ELF1: variants seen among roughly 807,000 people sequenced by gnomAD.
ELF1 encodes the protein E74 like ETS transcription factor 1, also known as ETS-related transcription factor Elf-1.
ELF1 carries 24 observed loss-of-function variants against 59.9 expected under a neutral mutation model. That is an observed-to-expected ratio of 0.40 (90% CI 0.29 to 0.56). The LOEUF is 0.56. Among genes scored for constraint, ELF1 ranks in the 20% least tolerant of loss-of-function variants. The pLI is 0.44. For synonymous variants in ELF1, 248 were observed against 266.2 expected, an observed-to-expected ratio of 0.93 and a Z score of 0.67; for missense variants, 627 against 742.2, an observed-to-expected ratio of 0.84 and a Z score of 1.80.
At position 41,025,061 on chromosome 13, in the gene ELF1, T is replaced by A. The variant is rs566279052; in HGVS notation, c.-229+35777A>T. Reference sequence around the variant, plus strand: ...AAAAGAAATAAAATAACTGATTTCTTAGAGGCAAAATTAAAAGCCAGACTA... The same window carrying A: ...AAAAGAAATAAAATAACTGATTTCTAAGAGGCAAAATTAAAAGCCAGACTA... On this transcript the variant is annotated intron_variant, in intron 1 of 1. Transcript: ENST00000405737. 2.7e-3 allele frequency among the ~76,000 whole-genome samples: 418 copies of A among 152,298 alleles called. 1 individual carries two copies. The highest frequency in any genetic ancestry group is 6.4e-3 in the South Asian group (31 of 4,826).
chr13:40,991,828 T>C (rs1019981501), intron 1 of ELF1, among the ~76,000 whole-genome samples: 1 of 152,186 alleles, frequency 6.6e-6, no homozygotes, highest in Non-Finnish European at 1.5e-5. Flanking sequence ...TACAATTGTA[T>C]ATCTATCTAT....
intron 1 of ELF1, among the ~76,000 whole-genome samples, chr13:41,036,061 C>T (rs781283389): frequency 1.4e-4 from 22 of 151,844 alleles, no homozygotes; most frequent in Non-Finnish European, 2.1e-4. Flanking sequence ...CCCGCCACCA[C>T]GCCCGGCTAA....
At chr13:40,949,542 A>G (rs1007402685) in intron 5 of ELF1, among the ~76,000 whole-genome samples, 6 of 151,344 alleles carry the variant, frequency 4.0e-5, no homozygotes, top group African/African-American at 1.5e-4. Flanking sequence ...TTTTGTAGAG[A>G]TGAGGTCTTG....
At chr13:41,054,646 T>C (rs1877221010) in intron 1 of ELF1, among the ~76,000 whole-genome samples, 1 of 152,228 alleles carries the variant, frequency 6.6e-6, no homozygotes, top group Non-Finnish European at 1.5e-5. Context: ...TATCTGATCC[T>C]TTCTATTCTG....
At chr13:41,005,467 A>C (rs1169221950) in intron 1 of ELF1, among the ~76,000 whole-genome samples, 3 of 151,136 alleles carry the variant, frequency 2.0e-5, no homozygotes, top group African/African-American at 4.8e-5. Flanking sequence ...AAAAAAAAAA[A>C]AAACCTACCA....
At chr13:40,940,849 C>T (rs530056592) in intron 8 of ELF1, 72 bp downstream of exon 8, 2 of 1,450,276 alleles carry the variant, frequency 1.4e-6, no homozygotes, top group Admixed American at 4.6e-5. Context: ...TGAATCTTGA[C>T]CCACTTAACA....
rs570796697 is a variant in ELF1, at chr13:41,060,938, C to T, written c.-329G>A. 5.8e-5 allele frequency: 20 copies of T among 344,206 alleles called. 1 individual carries two copies. The highest frequency in any genetic ancestry group is 4.9e-4 in the East Asian group (7 of 14,244). 21.3% of individuals were successfully genotyped at this position (344,206 alleles called of 1,614,324 possible). On this transcript the variant is annotated 5_prime_UTR_variant, in exon 1 of 2. Coordinates refer to the ELF1 transcript ENST00000405737. ...CTGCCGCCGCCGCCGCCGCCGCCGC[C>T]GCCGCCGCTGCTGCTGCCCACACGC...
intron 2 of ELF1, among the ~76,000 whole-genome samples, chr13:40,966,569 C>T (rs564070430): frequency 1.2e-4 from 18 of 152,214 alleles, no homozygotes; most frequent in Non-Finnish European, 2.5e-4. Context: ...ACTCCCCTAA[C>T]TAGGCTTGCT....
intron 1 of ELF1, among the ~76,000 whole-genome samples, chr13:41,011,147 C>T (rs1269634125): frequency 6.6e-6 from 1 of 152,164 alleles, no homozygotes; most frequent in Admixed American, 6.5e-5. Context: ...TGGTTAGATT[C>T]AACAATCTAT....
At chr13:40,999,926 CTTA>C (rs928243261) in intron 1 of ELF1, among the ~76,000 whole-genome samples, 2 of 152,234 alleles carry the variant, frequency 1.3e-5, no homozygotes, top group African/African-American at 4.8e-5. Context: ...CATAATCCTT[CTTA>C]TTATTCAACT....
chr13:41,058,131 G>A (rs898092847), intron 1 of ELF1, among the ~76,000 whole-genome samples: 4 of 152,112 alleles, frequency 2.6e-5, no homozygotes, highest in Admixed American at 6.5e-5. Context: ...CTACCTTTGG[G>A]TTTTCCAAGA....
chr13:41,056,866 G>C (rs1250524000), intron 1 of ELF1, among the ~76,000 whole-genome samples: 1 of 152,140 alleles, frequency 6.6e-6, no homozygotes, highest in Non-Finnish European at 1.5e-5. Context: ...GATGTGCAGA[G>C]CTACAGGGGG....
intron 1 of ELF1, among the ~76,000 whole-genome samples, chr13:41,053,837 A>T (rs1403936289): frequency 6.6e-6 from 1 of 152,174 alleles, no homozygotes; most frequent in Non-Finnish European, 1.5e-5. Flanking sequence ...GTGTCCTTCT[A>T]AATAAGTAGC....
intron 1 of ELF1, among the ~76,000 whole-genome samples, chr13:41,043,642 T>C (rs1166934450): frequency 6.6e-6 from 1 of 152,214 alleles, no homozygotes; most frequent in Non-Finnish European, 1.5e-5. Context: ...CTGAGGGCTC[T>C]GTTCTGTTCC....
chr13:41,048,955 A>T (rs1001641172), intron 1 of ELF1, among the ~76,000 whole-genome samples: 1 of 152,098 alleles, frequency 6.6e-6, no homozygotes, highest in Non-Finnish European at 1.5e-5. Context: ...ACTAAATCTA[A>T]CTAAAGTTAA....
chr13:41,012,864 T>C (rs902928793), intron 1 of ELF1, among the ~76,000 whole-genome samples: 2 of 152,192 alleles, frequency 1.3e-5, no homozygotes, highest in African/African-American at 4.8e-5. Context: ...ACTTGTCAAC[T>C]ATTCTAAAAT....
intron 1 of ELF1, among the ~76,000 whole-genome samples, chr13:41,039,180 G>T (rs1399105969): frequency 1.3e-5 from 2 of 151,706 alleles, no homozygotes; most frequent in African/African-American, 4.8e-5. Context: ...TAGGTGGATC[G>T]CTTGAGCCCA....
In ELF1 at chr13:40,971,172, T is replaced by G. The variant is rs138105992; in HGVS notation, c.72+10811A>C. ...TGAAAGTCTCATTTCAATTAACGCT[T>G]GGATAAAAAATGTATATTATATATA... On this transcript the variant is annotated intron_variant, in intron 2 of 8. Coordinates refer to ENST00000239882, the MANE Select transcript of ELF1 (RefSeq NM_172373.4). Among the ~76,000 whole-genome samples, 777 of 152,334 alleles carry G rather than the reference T, an allele frequency of 5.1e-3. 9 individuals carry two copies. Among genetic ancestry groups the G allele is most frequent in the African/African-American group, 0.018 (748 of 41,570 alleles).
chr13:41,026,391 A>G (rs533071649), intron 1 of ELF1, among the ~76,000 whole-genome samples: 1 of 152,310 alleles, frequency 6.6e-6, no homozygotes, highest in South Asian at 2.1e-4. Flanking sequence ...TTACCAAGTG[A>G]CCAGAAAAGC....
Sources: gnomAD v4.1 joint callset for allele counts (sites outside exome capture counted in the v4.1 genomes callset) on GRCh38, gnomAD v4.1.1 for gene constraint, MANE v1.5 for transcripts, NCBI Gene and HGNC (gene_info 2026-07-23, HGNC 2026-07-21) for gene names.